The following ETV6 variants were observed in gnomAD, a reference collection of about 807,000 sequenced individuals.
ETV6 encodes the protein ETS variant transcription factor 6, also known as transcription factor ETV6.
A neutral mutation model predicts 51.1 loss-of-function variants in ETV6; 16 were observed. The ratio of observed to expected loss-of-function variants is 0.31; its 90% CI spans 0.21 to 0.48. The LOEUF is 0.48. ETV6 is among the 20% of genes least tolerant of loss of function. ETV6 has a pLI of 0.99. For synonymous variants in ETV6, 240 were observed against 224.1 expected (o/e 1.07, Z -0.64); for missense variants, 458 against 594.8 (o/e 0.77, Z 2.39).
At chr12:11,745,636 C>T (rs889236214) in intron 1 of ETV6, among the ~76,000 whole-genome samples, 2 of 152,034 alleles carry the variant, frequency 1.3e-5, no homozygotes, top group Non-Finnish European at 2.9e-5. Flanking sequence ...GGGGCAGACT[C>T]AGCTCCTTCT....
chr12:11,755,905 C>T (rs1165929141), intron 2 of ETV6, among the ~76,000 whole-genome samples: 1 of 152,130 alleles, frequency 6.6e-6, no homozygotes, highest in African/African-American at 2.4e-5. Context: ...TAAATCCTCT[C>T]CCTTAATTCT....
intron 7 of ETV6, among the ~76,000 whole-genome samples, chr12:11,887,716 C>G (rs995216811): frequency 6.6e-6 from 1 of 150,668 alleles, no homozygotes; most frequent in African/African-American, 2.5e-5. Context: ...CCACTGCACT[C>G]CAGCCTGGTG....
At chr12:11,662,258 CAA>C (rs1456371270) in intron 1 of ETV6, among the ~76,000 whole-genome samples, 1 of 152,026 alleles carries the variant, frequency 6.6e-6, no homozygotes, top group Non-Finnish European at 1.5e-5. Context: ...TGGAAAAAAA[CAA>C]AAAACCTTAA....
chr12:11,845,451 T>G (rs1450007592), intron 3 of ETV6, among the ~76,000 whole-genome samples: 1 of 152,240 alleles, frequency 6.6e-6, no homozygotes, highest in African/African-American at 2.4e-5. Flanking sequence ...TATCCAGCTG[T>G]AATTGTCTTA....
rs117109933 is a variant in ETV6 at position 11,662,493 on chromosome 12, G to T, written c.33+12333G>T. Among the ~76,000 whole-genome samples, 354 of 152,334 alleles carry T rather than the reference G, an allele frequency of 2.3e-3. 1 individual carries two copies. The highest frequency in any genetic ancestry group is 2.1e-3 in the Non-Finnish European group (143 of 68,034). On this transcript the variant is annotated intron_variant, in intron 1 of 7. Transcript: ENST00000396373. The stretch of plus-strand genomic sequence containing the variant: ...GGGAATGCCTGTGTGTGCGTTCGTT[G>T]TTAGCCATCATGTTGAACAGTCTGA...
intron 2 of ETV6, among the ~76,000 whole-genome samples, chr12:11,753,761 C>T (rs1352293331): frequency 1.3e-5 from 2 of 152,238 alleles, no homozygotes; most frequent in Non-Finnish European, 2.9e-5. Flanking sequence ...CCCCAGAGGG[C>T]AGACGGTTGC....
At chr12:11,776,111 G>T (rs530988952) in intron 2 of ETV6, among the ~76,000 whole-genome samples, 1 of 152,180 alleles carries the variant, frequency 6.6e-6, no homozygotes, top group East Asian at 1.9e-4. Flanking sequence ...GGGAGCTCAC[G>T]GTTATGTGGA....
At chr12:11,780,128 A>C (rs1945392010) in intron 2 of ETV6, among the ~76,000 whole-genome samples, 1 of 152,246 alleles carries the variant, frequency 6.6e-6, no homozygotes, top group Non-Finnish European at 1.5e-5. Context: ...GTATGTGCTG[A>C]ATAAATGACC....
At chr12:11,877,737 G>C (rs1011574336) in intron 5 of ETV6, among the ~76,000 whole-genome samples, 5 of 152,198 alleles carry the variant, frequency 3.3e-5, no homozygotes, top group African/African-American at 4.8e-5. Context: ...AGCATGATTG[G>C]AATCCGGTTC....
At chr12:11,827,164 T>G (rs774345426) in intron 2 of ETV6, among the ~76,000 whole-genome samples, 22 of 152,032 alleles carry the variant, frequency 1.4e-4, no homozygotes, top group East Asian at 7.7e-4. Context: ...GTTTGTTTTT[T>G]TTTGTTTGTT....
intron 4 of ETV6, among the ~76,000 whole-genome samples, chr12:11,867,005 ATGCAG>A (rs1565558342): frequency 6.6e-6 from 1 of 152,190 alleles, no homozygotes; most frequent in Non-Finnish European, 1.5e-5. Context: ...GGGGAGGAAC[ATGCAG>A]CATAGGGCAG....
chr12:11,883,276 C>CTTCTTCT (rs776231778), intron 5 of ETV6, among the ~76,000 whole-genome samples: 27 of 79,124 alleles, frequency 3.4e-4, no homozygotes, highest in East Asian at 7.7e-4. Flanking sequence ...ATGTCTTCTT[C>CTTCTTCT]TTTTTTTTTT....
chr12:11,805,619 G>A (rs980401711), intron 2 of ETV6, among the ~76,000 whole-genome samples: 1 of 152,218 alleles, frequency 6.6e-6, no homozygotes, highest in Non-Finnish European at 1.5e-5. Flanking sequence ...TTTCTGGGGA[G>A]GGGAACAGAG....
At chr12:11,786,116 A>C (rs937539798) in intron 2 of ETV6, among the ~76,000 whole-genome samples, 1 of 152,100 alleles carries the variant, frequency 6.6e-6, no homozygotes, top group Non-Finnish European at 1.5e-5. Context: ...TGTTTTTTTT[A>C]AAATATTCCT....
intron 5 of ETV6, among the ~76,000 whole-genome samples, chr12:11,871,088 C>G (rs1946874164): frequency 6.6e-6 from 1 of 152,082 alleles, no homozygotes; most frequent in South Asian, 2.1e-4. Flanking sequence ...CTCCCTGAGC[C>G]CATGACCCGG....
chr12:11,715,843 CTCAAA>C (rs1865265269), intron 1 of ETV6, among the ~76,000 whole-genome samples: 1 of 152,182 alleles, frequency 6.6e-6, no homozygotes, highest in Non-Finnish European at 1.5e-5. Flanking sequence ...GGAAAACTGA[CTCAAA>C]TCAGAGAATT....
intron 5 of ETV6, among the ~76,000 whole-genome samples, chr12:11,875,416 T>A (rs1310597008): frequency 6.6e-6 from 1 of 152,196 alleles, no homozygotes; most frequent in Non-Finnish European, 1.5e-5. Flanking sequence ...AAGAATGGGC[T>A]ATTTAGGAGC....
rs6144613 is a variant in ETV6, at chr12:11,750,792, CTTTTTTTTTTTTTT to C, written c.34-1646_34-1633del. ...ATTTTATGTTTCCTATATGTGTGGGCTTTTTTTTTTTTTTTTTTTTTTTTTGCTTTTTTCATCCC... is the reference window on the plus strand; with the variant it reads ...ATTTTATGTTTCCTATATGTGTGGGCTTTTTTTTTTTGCTTTTTTCATCCC... On this transcript the variant is annotated intron_variant, in intron 1 of 7. Transcript: ENST00000396373. The C allele has an allele frequency of 2.5e-3, 907 of 369,060 alleles. 8 individuals are homozygous for C. Among genetic ancestry groups the C allele is most frequent in the Non-Finnish European group, 2.7e-3 (539 of 200,842 alleles). The allele number at this position is 369,060 out of a possible 1,614,324, so 22.9% of individuals were successfully genotyped here.
intron 2 of ETV6, among the ~76,000 whole-genome samples, chr12:11,807,905 G>C (rs2058805708): frequency 6.6e-6 from 1 of 152,134 alleles, no homozygotes; most frequent in African/African-American, 2.4e-5. Context: ...GTAGTTGCTT[G>C]ACCTATGTTT....
Sources: gnomAD v4.1 joint callset for allele counts (sites outside exome capture counted in the v4.1 genomes callset) on GRCh38, gnomAD v4.1.1 for gene constraint, MANE v1.5 for transcripts, NCBI Gene and HGNC (gene_info 2026-07-23, HGNC 2026-07-21) for gene names.